The following SV2C variants were observed in gnomAD, a reference collection of about 807,000 sequenced individuals.
SV2C encodes synaptic vesicle glycoprotein 2C.
Under a neutral mutation model 79.7 loss-of-function variants are expected in SV2C, and 49 were observed. The observed-to-expected ratio is 0.61, with a 90% confidence interval of 0.49 to 0.78. SV2C has a LOEUF of 0.78. Among genes scored for constraint, SV2C ranks in the 30% least tolerant of loss-of-function variants. The probability of loss-of-function intolerance (pLI) is 0.00; values close to 1 mark genes in which losing one functional copy is unlikely to be tolerated. For missense variants in SV2C, 833 were observed against 912.9 expected (o/e 0.91, Z 1.13); for synonymous variants, 334 against 333.2 (o/e 1.00, Z -0.03).
the SV2C span, among the ~76,000 whole-genome samples, chr5:76,007,845 T>C: frequency 6.6e-6 from 1 of 152,130 alleles, no homozygotes. Context: ...GCTGCAATAC[T>C]TCAGAGCATA....
chr5:76,016,254 T>TAAAAAAAAAAAAAAAAAAAAAAAAAA, the SV2C span, among the ~76,000 whole-genome samples: 12 of 90,356 alleles, frequency 1.3e-4, 3 homozygotes, highest in African/African-American at 5.1e-4. Flanking sequence ...TTTAATTTTC[T>TAAAAAAAAAAAAAAAAAAAAAAAAAA]AAAAAAAAAA....
chr5:76,109,212 A>C (rs30246), intron 1 of SV2C, among the ~76,000 whole-genome samples: 1 of 152,080 alleles, frequency 6.6e-6, no homozygotes, highest in African/African-American at 2.4e-5. Context: ...AGGATTGTTC[A>C]TGTGTGCTCA....
chr5:76,104,896 G>A (rs1194205807), intron 1 of SV2C, among the ~76,000 whole-genome samples: 1 of 152,186 alleles, frequency 6.6e-6, no homozygotes, highest in Admixed American at 6.5e-5. Context: ...CCCCAGAAGA[G>A]GCAGTTTCTT....
At chr5:75,972,556 G>T in the SV2C span, among the ~76,000 whole-genome samples, 13 of 152,224 alleles carry the variant, frequency 8.5e-5, no homozygotes, top group African/African-American at 3.1e-4. Context: ...CATTTATGCA[G>T]CCAAAAAACA....
chr5:76,250,880 G>T (rs1039090418), intron 4 of SV2C, among the ~76,000 whole-genome samples: 2 of 152,042 alleles, frequency 1.3e-5, no homozygotes, highest in East Asian at 3.9e-4. Context: ...GATTAAAAGG[G>T]CTTCTTGCCC....
At chr5:76,257,281 G>C (rs1746306323) in intron 4 of SV2C, among the ~76,000 whole-genome samples, 1 of 147,940 alleles carries the variant, frequency 6.8e-6, no homozygotes, top group Non-Finnish European at 1.5e-5. Context: ...GTGTGTGTGT[G>C]TGTGTGTGTA....
At chr5:75,896,725 A>T in the SV2C span, among the ~76,000 whole-genome samples, 1 of 149,982 alleles carries the variant, frequency 6.7e-6, no homozygotes, top group South Asian at 2.1e-4. Context: ...CCTCTCCAGC[A>T]CCTGTTGTTT....
At chr5:76,236,433 G>A (rs192521074) in intron 4 of SV2C, among the ~76,000 whole-genome samples, 4 of 152,076 alleles carry the variant, frequency 2.6e-5, no homozygotes, top group East Asian at 1.9e-4. Flanking sequence ...ATGGTGGCAG[G>A]TGCCTATAAT....
chr5:76,010,566 G>T, the SV2C span, among the ~76,000 whole-genome samples: 2 of 152,078 alleles, frequency 1.3e-5, no homozygotes, highest in Admixed American at 6.6e-5. Context: ...GTAATGTGCC[G>T]ATCAACTTTT....
chr5:75,997,235 A>G, the SV2C span, among the ~76,000 whole-genome samples: 1 of 152,266 alleles, frequency 6.6e-6, no homozygotes, highest in African/African-American at 2.4e-5. Flanking sequence ...TGCATGTTTG[A>G]GATAATCATG....
intron 2 of SV2C, among the ~76,000 whole-genome samples, chr5:76,183,995 T>G (rs2112306133): frequency 6.6e-6 from 1 of 152,338 alleles, no homozygotes; most frequent in Admixed American, 6.5e-5. Flanking sequence ...TTTTGCATGT[T>G]TTTAATCTCC....
intron 1 of SV2C, among the ~76,000 whole-genome samples, chr5:76,129,926 T>C (rs1232131160): frequency 1.3e-5 from 2 of 152,080 alleles, no homozygotes; most frequent in African/African-American, 4.8e-5. Context: ...TGGCAGTTTA[T>C]TTTATTTATT....
At chr5:76,302,011 T>C (rs1438453962) in intron 12 of SV2C, among the ~76,000 whole-genome samples, 1 of 152,008 alleles carries the variant, frequency 6.6e-6, no homozygotes, top group East Asian at 1.9e-4. Context: ...TCATATCTTT[T>C]AAAAAGAAAA....
chr5:76,264,809 G>T (rs1364396295), intron 4 of SV2C, among the ~76,000 whole-genome samples: 3 of 152,192 alleles, frequency 2.0e-5, no homozygotes, highest in Non-Finnish European at 1.5e-5. Flanking sequence ...CCTCTGGAAG[G>T]TTCTTCCCCA....
the SV2C span, among the ~76,000 whole-genome samples, chr5:76,051,862 G>GA: frequency 2.6e-5 from 4 of 151,746 alleles, no homozygotes; most frequent in Admixed American, 6.6e-5. Flanking sequence ...TTTCATATTA[G>GA]AAAAAAATGA....
intron 4 of SV2C, among the ~76,000 whole-genome samples, chr5:76,283,392 C>T (rs1056672774): frequency 1.3e-5 from 2 of 152,176 alleles, no homozygotes; most frequent in Admixed American, 1.3e-4. Flanking sequence ...TTGTTTCCCC[C>T]TATACTTTAT....
the SV2C span, chr5:75,911,921 T>C: frequency 2.1e-6 from 1 of 474,508 alleles, no homozygotes; most frequent in South Asian, 1.6e-5. Context: ...AAAGAAGCTC[T>C]TCAACCAGAG....
chr5:75,920,668 A>G, the SV2C span: 13 of 684,454 alleles, frequency 1.9e-5, no homozygotes, highest in East Asian at 3.4e-4. Flanking sequence ...AACTGCCCTC[A>G]CTCCTGCAGC....
At chr5:75,971,855 C>A in the SV2C span, among the ~76,000 whole-genome samples, 140 of 152,094 alleles carry the variant, frequency 9.2e-4, 1 homozygote, top group Non-Finnish European at 1.7e-3. Context: ...CAAAAAAGAG[C>A]CCACATTGCC....
Sources: gnomAD v4.1 joint callset for allele counts (sites outside exome capture counted in the v4.1 genomes callset) on GRCh38, gnomAD v4.1.1 for gene constraint, MANE v1.5 for transcripts, NCBI Gene and HGNC (gene_info 2026-07-23, HGNC 2026-07-21) for gene names.